The following SLC25A24 variants were observed in gnomAD, a reference collection of about 807,000 sequenced individuals.
The protein encoded by SLC25A24 is mitochondrial adenyl nucleotide antiporter SLC25A24.
In SLC25A24, 49 loss-of-function variants were observed where a neutral mutation model predicts 60.7. The ratio of observed to expected loss-of-function variants is 0.81; its 90% CI spans 0.64 to 1.02. The LOEUF is 1.02. Among genes scored for constraint, SLC25A24 ranks in the 50% least tolerant of loss-of-function variants. The pLI, the probability that SLC25A24 is intolerant of heterozygous loss-of-function variation, is 0.00. For synonymous variants in SLC25A24, 202 were observed against 200.6 expected (o/e 1.01, Z -0.06); for missense variants, 564 against 586.3 (o/e 0.96, Z 0.39).
intron 5 of SLC25A24, among the ~76,000 whole-genome samples, chr1:108,155,871 C>T (rs547140155): frequency 3.2e-4 from 49 of 152,062 alleles, no homozygotes; most frequent in African/African-American, 1.1e-3. Context: ...CTGATTAAGT[C>T]CAATACACCA....
chr1:108,199,823 C>G, intron 1 of SLC25A24, 133 bp downstream of exon 1: 1 of 708,884 alleles, frequency 1.4e-6, no homozygotes, highest in Non-Finnish European at 2.3e-6. Flanking sequence ...CTGAAGCCAC[C>G]GGAGCGCTGG....
intron 7 of SLC25A24, among the ~76,000 whole-genome samples, chr1:108,144,549 T>C (rs560478152): frequency 2.8e-4 from 43 of 152,256 alleles, no homozygotes; most frequent in Admixed American, 2.0e-3. Flanking sequence ...TCACCTACAT[T>C]AGGTATTTCT....
At chr1:108,143,147 G>A (rs1224193227) in intron 8 of SLC25A24, among the ~76,000 whole-genome samples, 2 of 152,154 alleles carry the variant, frequency 1.3e-5, no homozygotes, top group African/African-American at 4.8e-5. Flanking sequence ...ATTATTAAAT[G>A]ATTTAGATTG....
At chr1:108,150,004 C>A (rs181105671) in intron 6 of SLC25A24, among the ~76,000 whole-genome samples, 3 of 152,344 alleles carry the variant, frequency 2.0e-5, no homozygotes, top group Admixed American at 2.0e-4. Flanking sequence ...TCCAAGGGCT[C>A]TGTTTCCTGA....
intron 6 of SLC25A24, among the ~76,000 whole-genome samples, chr1:108,149,720 G>C (rs1376109764): frequency 1.3e-5 from 2 of 152,124 alleles, no homozygotes; most frequent in Non-Finnish European, 2.9e-5. Context: ...AGTCAACAGA[G>C]AGAAGTGGAC....
intron 3 of SLC25A24, among the ~76,000 whole-genome samples, chr1:108,165,622 C>CT (rs971664768): frequency 2.0e-5 from 3 of 151,976 alleles, no homozygotes; most frequent in African/African-American, 7.3e-5. Flanking sequence ...CAACCCCTGT[C>CT]TTTTTTTGTT....
At chr1:108,156,752 C>A (rs1679911624) in intron 5 of SLC25A24, among the ~76,000 whole-genome samples, 1 of 152,148 alleles carries the variant, frequency 6.6e-6, no homozygotes. Flanking sequence ...TTATCCCCAT[C>A]CCAGAATGAA....
At chr1:108,174,032 T>C (rs144539737) in intron 3 of SLC25A24, among the ~76,000 whole-genome samples, 5,420 of 152,262 alleles carry the variant, frequency 0.036, 133 homozygotes, top group Middle Eastern at 0.11. Context: ...ACCCTGATGA[T>C]GTGACAGAAA....
At chr1:108,165,274 T>G (rs1680213599) in intron 3 of SLC25A24, among the ~76,000 whole-genome samples, 1 of 152,172 alleles carries the variant, frequency 6.6e-6, no homozygotes, top group East Asian at 1.9e-4. Context: ...ATTCTGTTGA[T>G]TTGGGGTGCA....
At chr1:108,197,858 G>A (rs774974374) in intron 1 of SLC25A24, among the ~76,000 whole-genome samples, 2 of 152,202 alleles carry the variant, frequency 1.3e-5, no homozygotes, top group Non-Finnish European at 1.5e-5. Context: ...GCCGTGTTGG[G>A]AGGAGGGACC....
At chr1:108,170,430 T>G (rs1375852725) in intron 3 of SLC25A24, among the ~76,000 whole-genome samples, 2 of 152,072 alleles carry the variant, frequency 1.3e-5, no homozygotes, top group African/African-American at 4.8e-5. Context: ...GAAAAAATAT[T>G]TTTTCTAATT....
chr1:108,154,919 A>C, intron 6 of SLC25A24, 64 bp downstream of exon 6: 1 of 1,243,356 alleles, frequency 8.0e-7, no homozygotes, highest in Non-Finnish European at 1.1e-6. Context: ...TTATACATTA[A>C]CATTTATTGA....
At chr1:108,145,672 C>T (rs1310960649) in intron 7 of SLC25A24, among the ~76,000 whole-genome samples, 1 of 152,062 alleles carries the variant, frequency 6.6e-6, no homozygotes, top group Non-Finnish European at 1.5e-5. Flanking sequence ...AATAAGGAAT[C>T]CTTTCCCCAT....
chr1:108,189,870 A>AT (rs1553256920), intron 1 of SLC25A24, among the ~76,000 whole-genome samples: 57 of 149,674 alleles, frequency 3.8e-4, no homozygotes, highest in African/African-American at 1.1e-3. Context: ...AAAATTAAAA[A>AT]ATATATATAT....
chr1:108,148,520 G>A (rs889050422), intron 6 of SLC25A24, 134 bp from the exon 7 acceptor site: 1 of 627,098 alleles, frequency 1.6e-6, no homozygotes. Flanking sequence ...GGTAATTAGG[G>A]TTATGAGGTC....
intron 3 of SLC25A24, among the ~76,000 whole-genome samples, chr1:108,173,732 G>A (rs991254493): frequency 2.6e-5 from 4 of 152,142 alleles, no homozygotes; most frequent in Non-Finnish European, 5.9e-5. Flanking sequence ...GGGAAAGTTT[G>A]TAAGTTCCCA....
intron 4 of SLC25A24, among the ~76,000 whole-genome samples, chr1:108,158,731 A>G (rs1353920447): frequency 3.3e-5 from 5 of 149,296 alleles, no homozygotes; most frequent in Non-Finnish European, 7.4e-5. Context: ...GGCCGGGCAC[A>G]GTGGCTCACG....
At position 108,135,657 on chromosome 1, in the gene SLC25A24, T is replaced by C. The variant is rs776293580; in HGVS notation, c.*996A>G. The C allele has an allele frequency of 5.2e-5, 8 of 152,554 alleles. No individual in the cohort carries two copies. The highest frequency in any genetic ancestry group is 1.2e-4 in the Non-Finnish European group (8 of 68,040). 9.5% of individuals were successfully genotyped at this position (152,554 alleles called of 1,614,324 possible). On this transcript the variant is annotated 3_prime_UTR_variant, in exon 10 of 10. Coordinates refer to ENST00000565488, the MANE Select transcript of SLC25A24 (RefSeq NM_013386.5). The stretch of plus-strand genomic sequence containing the variant: ...AGAGTAATACATACTACTATTAATA[T>C]GTATCTCTCACCTTTGTGCTGCCCA...
Position 108,143,609 on chromosome 1 carries a change from G to T in SLC25A24, c.1032C>A (p.Tyr344Ter), listed in dbSNP as rs1679506856. 1.2e-6 allele frequency: 2 copies of T among 1,613,474 alleles called. No individual in the cohort carries two copies. The highest frequency in any genetic ancestry group is 2.7e-5 in the African/African-American group (2 of 74,890). Reference protein sequence around the residue: ...ILKHEGLGAFYKGYVPNLLGI... With the variant: ...ILKHEGLGAF ...CTAATAAATTGGGAACATAGCCTTT[G>T]TAAAAAGCTCCCAAGCCTTCATGTT... The change falls in exon 8 of 10, where the codon TAC (tyrosine) becomes TAA (stop). Residue 344 changes from tyrosine (Y) to a stop codon, truncating the protein, a stop_gained. Transcript: ENST00000565488. LOFTEE classifies it high-confidence loss of function.
Sources: gnomAD v4.1 joint callset for allele counts (sites outside exome capture counted in the v4.1 genomes callset) on GRCh38, gnomAD v4.1.1 for gene constraint, MANE v1.5 for transcripts, NCBI Gene and HGNC (gene_info 2026-07-23, HGNC 2026-07-21) for gene names.